The following FYCO1 variants were observed in gnomAD, a reference collection of about 807,000 sequenced individuals.
FYCO1 encodes the protein FYVE and coiled-coil domain autophagy adaptor 1.
A neutral mutation model predicts 165.1 loss-of-function variants in FYCO1; 122 were observed. The ratio of observed to expected loss-of-function variants is 0.74; its 90% CI spans 0.64 to 0.86. FYCO1 has a LOEUF of 0.86. Among genes scored for constraint, FYCO1 ranks in the 40% least tolerant of loss-of-function variants. The pLI, the probability that FYCO1 is intolerant of heterozygous loss-of-function variation, is 0.00. For missense variants in FYCO1, 1,702 were observed against 1,810.3 expected (o/e 0.94, Z 1.09); for synonymous variants, 648 against 742.5 (o/e 0.87, Z 2.07).
chr3:45,946,409 C>T (rs1704607656), intron 14 of FYCO1: 1 of 1,372,238 alleles, frequency 7.3e-7, no homozygotes, highest in South Asian at 1.3e-5. Context: ...AGCAGGAAGA[C>T]AAAGAATGCC....
At chr3:45,975,412 A>C in intron 4 of FYCO1, 67 bp from the exon 5 acceptor site, 10 of 1,220,966 alleles carry the variant, frequency 8.2e-6, no homozygotes, top group African/African-American at 3.0e-5. Flanking sequence ...ACCTGGTCTC[A>C]TAGATGGCTT....
chr3:45,937,795 C>G (rs1703981964), intron 14 of FYCO1, among the ~76,000 whole-genome samples: 1 of 152,196 alleles, frequency 6.6e-6, no homozygotes, highest in Non-Finnish European at 1.5e-5. Context: ...CCCTCTCTGT[C>G]TTCCTCCTTG....
intron 8 of FYCO1, 22 bp from the exon 9 acceptor site, chr3:45,965,147 G>A (rs1705931031): frequency 6.3e-7 from 1 of 1,599,074 alleles, no homozygotes; most frequent in Admixed American, 1.7e-5. Context: ...AAGAAAGAAA[G>A]AGGACATAAA....
chr3:45,980,458 C>A (rs1322941337), intron 3 of FYCO1, among the ~76,000 whole-genome samples: 1 of 152,106 alleles, frequency 6.6e-6, no homozygotes, highest in East Asian at 1.9e-4. Flanking sequence ...CCCAGTTACT[C>A]AACACTTCAG....
At chr3:45,929,530 G>A (rs6778324) in intron 16 of FYCO1, among the ~76,000 whole-genome samples, 33,012 of 152,084 alleles carry the variant, frequency 0.22, 3,711 homozygotes, top group East Asian at 0.29. Flanking sequence ...TCTGGGGAAC[G>A]TGATGGTGAG....
intron 6 of FYCO1, among the ~76,000 whole-genome samples, chr3:45,970,611 AT>A (rs1460034244): frequency 6.6e-6 from 1 of 152,274 alleles, no homozygotes; most frequent in East Asian, 1.9e-4. Context: ...GATAGTAAAT[AT>A]TTTGGTCTTG....
In FYCO1 at chr3:45,962,378, A is replaced by G. The variant is rs1311073632; in HGVS notation, c.3284T>C (p.Leu1095Pro). The G allele has an allele frequency of 6.2e-7, 1 of 1,613,996 alleles. No individual in the cohort carries two copies. Among genetic ancestry groups the G allele is most frequent in the Non-Finnish European group, 8.5e-7 (1 of 1,179,984 alleles). The stretch of plus-strand genomic sequence containing the variant: ...TTGGATTTTTGTTGTGGCTTTTTCG[A>G]GTTCCTTCTGGGTCCTGGGGGAGGA... ...REDLERTQKE[L>P]EKATTKIQEY... is the part of the protein sequence containing the mutation. The change falls in exon 11 of 18, where the codon CTC (leucine) becomes CCC (proline). Residue 1095 changes from leucine to proline, a missense_variant. Physicochemically the swap from Leu to Pro is moderately conservative, Grantham distance 98. Coordinates refer to ENST00000296137, the MANE Select transcript of FYCO1 (RefSeq NM_024513.4). This position sits in a 1 kb window ranked among gnomAD's most constrained non-coding sequence, Gnocchi z 4.4.
At chr3:45,991,054 A>G (rs1176450379) in intron 1 of FYCO1, among the ~76,000 whole-genome samples, 1 of 152,224 alleles carries the variant, frequency 6.6e-6, no homozygotes, top group Non-Finnish European at 1.5e-5. Context: ...CTGGGATTAC[A>G]GGCATGAGCC....
rs1056907405 is a variant in FYCO1 at position 45,985,351 on chromosome 3, A to T, written c.-112-329T>A. Among the ~76,000 whole-genome samples, 3 of 152,182 alleles carry T rather than the reference A, an allele frequency of 2.0e-5. No individual in the cohort carries two copies. In the South Asian group the frequency reaches 6.2e-4, roughly 32 times the overall value. On this transcript the variant is annotated intron_variant, in intron 1 of 17. Transcript: ENST00000296137. The stretch of plus-strand genomic sequence containing the variant: ...AAAAAGCCACCTAGTGGCTCTCTCC[A>T]TCCCCTTATACCAAAGGCTACACGG...
intron 1 of FYCO1, among the ~76,000 whole-genome samples, chr3:45,994,311 C>G (rs945927975): frequency 2.0e-5 from 3 of 151,418 alleles, no homozygotes; most frequent in Non-Finnish European, 4.4e-5. Flanking sequence ...GTTTATTTTT[C>G]TAATAAAATA....
intron 11 of FYCO1, among the ~76,000 whole-genome samples, chr3:45,961,366 G>C (rs1705688807): frequency 6.6e-6 from 1 of 152,084 alleles, no homozygotes; most frequent in Non-Finnish European, 1.5e-5. Flanking sequence ...ATCATTTGGG[G>C]CCAGGAATTC....
rs941416717 is a variant in FYCO1, at chr3:45,995,741, C to G, written c.-132G>C. 6.5e-6 allele frequency: 1 copy of G among 152,724 alleles called. No homozygotes were observed. The highest frequency in any genetic ancestry group is 1.5e-5 in the Non-Finnish European group (1 of 68,116). 9.5% of individuals were successfully genotyped at this position (152,724 alleles called of 1,614,324 possible). On this transcript the variant is annotated 5_prime_UTR_variant, in exon 1 of 18. Coordinates refer to ENST00000296137, the MANE Select transcript of FYCO1 (RefSeq NM_024513.4). The stretch of plus-strand genomic sequence containing the variant: ...ACTTACGCGCTCGTGGGTCCACCGC[C>G]GGGCAGAACCGAAACTTTCTGGGGC...
chr3:45,966,507 CCCTT>C lies in FYCO1; in HGVS notation c.2823_2826del (p.Arg942SerfsTer9). 2 of 1,612,876 alleles carry C rather than the reference CCCTT, an allele frequency of 1.2e-6. No individual in the cohort carries two copies. Among genetic ancestry groups the C allele is most frequent in the Non-Finnish European group, 1.7e-6 (2 of 1,178,954 alleles). ...ACTTGGCGCTCCAGGCCCTCTCGCT[CCCTT>C]GAGGCTGCCTCTTTGGCGTCCTGGA... On this transcript the variant is annotated frameshift_variant, in exon 8 of 18. Transcript: ENST00000296137. LOFTEE classifies it high-confidence loss of function.
At chr3:45,927,664 C>G (rs1703386655) in intron 16 of FYCO1, among the ~76,000 whole-genome samples, 1 of 152,230 alleles carries the variant, frequency 6.6e-6, no homozygotes, top group Admixed American at 6.5e-5. Flanking sequence ...CATTAATATT[C>G]TATCACATTC....
intron 14 of FYCO1, among the ~76,000 whole-genome samples, chr3:45,944,866 T>C (rs1704482727): frequency 6.6e-6 from 1 of 152,216 alleles, no homozygotes; most frequent in African/African-American, 2.4e-5. Flanking sequence ...TTTTAAATGA[T>C]GAAAAAATAT....
chr3:45,935,460 T>C (rs1703842473), intron 15 of FYCO1, among the ~76,000 whole-genome samples: 1 of 152,226 alleles, frequency 6.6e-6, no homozygotes, highest in African/African-American at 2.4e-5. Flanking sequence ...CCTGGTTCTC[T>C]CTGCTGCAGG....
Position 45,959,392 on chromosome 3 carries a change from C to A in FYCO1, c.3587+1G>T, listed in dbSNP as rs748600235. ...TGCCAACCCACGAGCTCCCTGCTGACCTGCAGTGGTGCCGCCGCACCATCC... is the reference window on the plus strand; with the variant it reads ...TGCCAACCCACGAGCTCCCTGCTGAACTGCAGTGGTGCCGCCGCACCATCC... On this transcript the variant is annotated splice_donor_variant, in intron 12 of 17. Coordinates refer to ENST00000296137, the MANE Select transcript of FYCO1 (RefSeq NM_024513.4). LOFTEE classifies it high-confidence loss of function. The A allele has an allele frequency of 8.1e-6, 13 of 1,613,840 alleles. No homozygotes were observed. Among genetic ancestry groups the A allele is most frequent in the African/African-American group, 2.7e-5 (2 of 74,954 alleles).
chr3:45,944,194 G>A (rs1559447513), intron 14 of FYCO1, among the ~76,000 whole-genome samples: 1 of 141,838 alleles, frequency 7.1e-6, no homozygotes, highest in Admixed American at 6.6e-5. Flanking sequence ...GTGCGTGTGT[G>A]TCTGTGTGTG....
rs1368467620 is a variant in FYCO1, at chr3:45,959,401, G to C, written c.3579C>G (p.His1193Gln). ...ACGAGCTCCCTGCTGACCTGCAGTGGTGCCGCCGCACCATCCAGCTGAACT... is the reference window on the plus strand; with the variant it reads ...ACGAGCTCCCTGCTGACCTGCAGTGCTGCCGCCGCACCATCCAGCTGAACT... ...KREFSWMVRRHHCRICGRIFC... is the reference protein window; with the variant it reads ...KREFSWMVRRQHCRICGRIFC... Residue 1193 changes from histidine (H) to glutamine (Q), a missense_variant, in exon 12 of 18, where the codon CAC becomes CAG. By Grantham distance (24) the His-to-Gln change is conservative. Coordinates refer to ENST00000296137, the MANE Select transcript of FYCO1 (RefSeq NM_024513.4). 3.1e-6 allele frequency: 5 copies of C among 1,613,812 alleles called. No homozygotes were observed. In the East Asian group the frequency reaches 1.1e-4, roughly 36 times the overall value.
Sources: allele counts gnomAD v4.1 joint callset (sites outside exome capture counted in the v4.1 genomes callset), GRCh38; gene constraint gnomAD v4.1.1; non-coding constraint Gnocchi (gnomAD v3.1); transcripts MANE v1.5; gene names NCBI Gene and HGNC (gene_info 2026-07-23, HGNC 2026-07-21).